Variants in PIEZO1 observed in about 807,000 individuals in gnomAD.
PIEZO1 encodes piezo-type mechanosensitive ion channel component 1.
In PIEZO1, 296 loss-of-function variants were observed where a neutral mutation model predicts 297.2. The ratio of observed to expected loss-of-function variants is 1.00; its 90% CI spans 0.91 to 1.10. PIEZO1 has a LOEUF of 1.10. Ranked by LOEUF, PIEZO1 falls within the 50% of genes least tolerant of loss-of-function variation. The pLI is 0.00. For missense variants in PIEZO1, 5,018 were observed against 3,455.5 expected, an observed-to-expected ratio of 1.45 and a Z score of -11.34; for synonymous variants, 2,427 against 1,507.5, an observed-to-expected ratio of 1.61 and a Z score of -14.13.
At position 88,742,341 on chromosome 16, in the gene PIEZO1, A is replaced by G. The variant is rs537591043; in HGVS notation, c.242T>C (p.Leu81Pro). The G allele has an allele frequency of 1.3e-6, 2 of 1,535,466 alleles. No individual in the cohort carries two copies. Among genetic ancestry groups the G allele is most frequent in the South Asian group, 2.4e-5 (2 of 84,054 alleles). Residue 81 changes from leucine to proline, a missense_variant, in exon 3 of 51, where the codon CTG becomes CCG. Transcript: ENST00000301015. Reference protein sequence around the residue: ...LVAHLALQICLHIVPRLDQLL... With the variant: ...LVAHLALQICPHIVPRLDQLL... Reference sequence around the variant, plus strand: ...CTGGTCCAGGCGGGGCACAATATGCAGGCAGATCTGGAGGGCGAGATGGGC... The same window carrying G: ...CTGGTCCAGGCGGGGCACAATATGCGGGCAGATCTGGAGGGCGAGATGGGC...
chr16:88,771,161 G>A (rs1312252386), intron 1 of PIEZO1, among the ~76,000 whole-genome samples: 2 of 152,184 alleles, frequency 1.3e-5, no homozygotes, highest in Non-Finnish European at 2.9e-5. Flanking sequence ...TCAACCGTGC[G>A]AAAGGCCCCA....
rs767828494 is a variant in PIEZO1, at chr16:88,742,090, G to T, written c.289C>A (p.Arg97Ser). The T allele has an allele frequency of 2.0e-6, 3 of 1,535,840 alleles. No homozygotes were observed. The highest frequency in any genetic ancestry group is 2.0e-5 in the Admixed American group (1 of 50,966). The change falls in exon 4 of 51, where the codon CGC becomes AGC. Residue 97 changes from arginine (R) to serine (S), a missense_variant. Physicochemically the swap from Arg to Ser is moderately radical, Grantham distance 110. Coordinates refer to ENST00000301015, the MANE Select transcript of PIEZO1 (RefSeq NM_001142864.4). ...LDQLLGPSCS[R>S]WETLSRHIGV... ...ATGTGTCGCGAGAGGGTCTCCCAGC[G>T]GCTGCCTGCAGAGAAAGACGGGGGA...
intron 1 of PIEZO1, among the ~76,000 whole-genome samples, chr16:88,754,995 C>T (rs1906581835): frequency 6.6e-6 from 1 of 152,348 alleles, no homozygotes; most frequent in African/African-American, 2.4e-5. Flanking sequence ...CCTGTTGCGC[C>T]CCAGGGAGAG....
At chr16:88,732,202 C>T (rs548015128) in intron 21 of PIEZO1, 133 bp downstream of exon 21, 5 of 729,176 alleles carry the variant, frequency 6.9e-6, no homozygotes, top group South Asian at 3.6e-5. Context: ...CCGTGCCTGG[C>T]CCTGAGTCCC....
In PIEZO1 at chr16:88,736,205, GC is replaced by G. The variant is rs1905202392; in HGVS notation, c.1499del (p.Ser500ThrfsTer25). 6.5e-7 allele frequency: 1 copy of G among 1,549,606 alleles called. No homozygotes were observed. Among genetic ancestry groups the G allele is most frequent in the Admixed American group, 2.0e-5 (1 of 50,962 alleles). On this transcript the variant is annotated frameshift_variant, in exon 12 of 51. Coordinates refer to ENST00000301015, the MANE Select transcript of PIEZO1 (RefSeq NM_001142864.4). LOFTEE classifies it high-confidence loss of function. ...PELPTTLGPV[S>X]LRQLGLEHTR... ...TGTGCTCCAGCCCCAGCTGGCGCAG[GC>G]TGACGGGGCCCAGGGTGGTGGGCAG...
At chr16:88,738,787 C>G in intron 5 of PIEZO1, 51 bp from the exon 6 acceptor site, 1 of 1,458,680 alleles carries the variant, frequency 6.9e-7, no homozygotes, top group Non-Finnish European at 9.2e-7. Context: ...ACTGACGCCA[C>G]CTCTCCAGCC....
In PIEZO1 at chr16:88,735,840, G is replaced by A. The variant is rs4547319; in HGVS notation, c.1557+308C>T. On this transcript the variant is annotated intron_variant, in intron 12 of 50. Transcript: ENST00000301015. ...CGCAGGGGTGGTGCCTGTGCCAATG[G>A]GCATAGCCCATGCTCACACACAGTG... 0.22 allele frequency among the ~76,000 whole-genome samples: 33,486 copies of A among 152,080 alleles called. 4,245 individuals carry two copies. Among genetic ancestry groups the A allele is most frequent in the East Asian group, 0.59 (3,051 of 5,170 alleles).
intron 22 of PIEZO1, chr16:88,731,413 GCAGTGCTCCT>G (rs1904798543): frequency 2.4e-6 from 1 of 424,960 alleles, no homozygotes; most frequent in Admixed American, 4.1e-5. Flanking sequence ...CGGAGAGGAC[GCAGTGCTCCT>G]TGTGTGACTC....
At position 88,738,009 on chromosome 16, in the gene PIEZO1, G is replaced by T; in HGVS notation, c.945C>A (p.Ser315Arg). Residue 315 changes from serine to arginine, a missense_variant, in exon 8 of 51, where the codon AGC becomes AGA. By Grantham distance (110) the Ser-to-Arg change is moderately radical. Transcript: ENST00000301015. ...AGCACAGCAGCAGGAGGACGCCGGG[G>T]CTGGCATACACAGGCCAGTCCAGGC... ...NTGLDWPVYA[S>R]PGVLLLLCYA... The T allele has an allele frequency of 6.5e-7, 1 of 1,535,538 alleles. No homozygotes were observed. The highest frequency in any genetic ancestry group is 8.7e-7 in the Non-Finnish European group (1 of 1,146,702).
intron 1 of PIEZO1, among the ~76,000 whole-genome samples, chr16:88,771,771 G>A (rs2007045): frequency 8.5e-4 from 114 of 133,494 alleles, no homozygotes; most frequent in African/African-American, 3.0e-3. Flanking sequence ...GTCCACCCGC[G>A]GCCCCAGGCC....
chr16:88,730,181 G>A (rs1005105391), intron 22 of PIEZO1, among the ~76,000 whole-genome samples: 1 of 152,266 alleles, frequency 6.6e-6, no homozygotes, highest in Non-Finnish European at 1.5e-5. Flanking sequence ...CCAGCGCCCA[G>A]ACCCCGGGCT....
At chr16:88,774,605 T>TG (rs1478411838) in intron 1 of PIEZO1, among the ~76,000 whole-genome samples, 2 of 151,892 alleles carry the variant, frequency 1.3e-5, no homozygotes, top group East Asian at 3.9e-4. Context: ...CAGGTCTGAG[T>TG]GGGGGTCCCA....
At position 88,737,692 on chromosome 16, in the gene PIEZO1, C is replaced by T. The variant is rs1347698761; in HGVS notation, c.1107+36G>A. 3.3e-6 allele frequency: 5 copies of T among 1,533,450 alleles called. No individual in the cohort carries two copies. The East Asian group carries it at 7.3e-5, about 23-fold the overall frequency. The allele number at this position is 1,533,450 out of a possible 1,614,324, so 95.0% of individuals were successfully genotyped here. ...GCCATGCACGGGCTGGCCGGGCGCC[C>T]CCCACGCTGGCGTCTCCACCTGCCT... On this transcript the variant is annotated intron_variant, in intron 9 of 50. Transcript: ENST00000301015.
chr16:88,754,213 G>A (rs1906540100), intron 1 of PIEZO1, among the ~76,000 whole-genome samples: 1 of 152,224 alleles, frequency 6.6e-6, no homozygotes, highest in African/African-American at 2.4e-5. Flanking sequence ...AGCACAGTCA[G>A]GAGGGGAGAG....
rs760033609 is a variant in PIEZO1, at chr16:88,723,936, C to T, written c.4270G>A (p.Asp1424Asn). 46 of 1,549,554 alleles carry T rather than the reference C, an allele frequency of 3.0e-5. No homozygotes were observed. Among genetic ancestry groups the T allele is most frequent in the Admixed American group, 1.8e-4 (9 of 50,988 alleles). The part of the protein sequence containing the change: ...HSGDYFLFES[D>N]SEEEEEAVPE... The stretch of plus-strand genomic sequence containing the variant: ...ACAGCCTCCTCCTCTTCCTCACTGT[C>T]GGACTCAAACAGGAAGTAGTCCCCG... Residue 1424 changes from aspartate (D) to asparagine (N), a missense_variant, in exon 31 of 51, where the codon GAC becomes AAC. Coordinates refer to ENST00000301015, the MANE Select transcript of PIEZO1 (RefSeq NM_001142864.4).
At chr16:88,784,768 C>T in intron 1 of PIEZO1, 133 bp downstream of exon 1, 1 of 573,978 alleles carries the variant, frequency 1.7e-6, no homozygotes, top group Non-Finnish European at 2.6e-6. Context: ...GCGCCCGGGT[C>T]GCGCGTCCCT....
chr16:88,748,886 T>C (rs1483689727), intron 2 of PIEZO1, among the ~76,000 whole-genome samples: 1 of 141,652 alleles, frequency 7.1e-6, no homozygotes, highest in African/African-American at 2.7e-5. Context: ...TGAGCCAAGA[T>C]TGTGCCACTG....
intron 1 of PIEZO1, among the ~76,000 whole-genome samples, chr16:88,782,785 G>A (rs1021249649): frequency 6.6e-6 from 1 of 152,194 alleles, no homozygotes; most frequent in Admixed American, 6.5e-5. Context: ...GCACATCGCG[G>A]GTCCATCTGG....
Position 88,715,390 on chromosome 16 carries a change from T to C in PIEZO1, c.*215A>G, listed in dbSNP as rs1911911623. 3.8e-6 allele frequency: 4 copies of C among 1,048,236 alleles called. No individual in the cohort carries two copies. The highest frequency in any genetic ancestry group is 4.1e-6 in the Non-Finnish European group (3 of 738,196). The allele number at this position is 1,048,236 out of a possible 1,614,324, so 64.9% of individuals were successfully genotyped here. A position where few individuals can be genotyped will look rare whatever the true frequency, so the allele number is the denominator to read the frequency against. On this transcript the variant is annotated 3_prime_UTR_variant, in exon 51 of 51. Transcript: ENST00000301015. Reference sequence around the variant, plus strand: ...CATTTTTTAATTAAAAAAAAAACTCTACAGTACACGTGGGGGACGGCAGCG... The same window carrying C: ...CATTTTTTAATTAAAAAAAAAACTCCACAGTACACGTGGGGGACGGCAGCG...
Sources: gnomAD v4.1 joint callset for allele counts (sites outside exome capture counted in the v4.1 genomes callset) on GRCh38, gnomAD v4.1.1 for gene constraint, MANE v1.5 for transcripts, NCBI Gene and HGNC (gene_info 2026-07-23, HGNC 2026-07-21) for gene names.